Variants in TRIM54 observed in about 807,000 individuals in gnomAD.
TRIM54 encodes tripartite motif-containing protein 54.
In TRIM54, 40 loss-of-function variants were observed where a neutral mutation model predicts 42.0. The ratio of observed to expected loss-of-function variants is 0.95; its 90% CI spans 0.74 to 1.24. The LOEUF is 1.24. TRIM54 is among the 50% of genes most tolerant of loss of function. TRIM54 has a pLI of 0.00. For synonymous variants in TRIM54, 199 were observed against 194.9 expected (o/e 1.02, Z -0.17); for missense variants, 485 against 480.3 (o/e 1.01, Z -0.09).
intron 1 of TRIM54, among the ~76,000 whole-genome samples, chr2:27,296,858 A>C (rs1678881306): frequency 1.3e-5 from 2 of 152,048 alleles, no homozygotes; most frequent in South Asian, 4.1e-4. Flanking sequence ...TCCTGGTTTC[A>C]AGCAATTCTC....
intron 1 of TRIM54, among the ~76,000 whole-genome samples, chr2:27,287,851 T>C (rs531410596): frequency 8.5e-5 from 13 of 152,348 alleles, no homozygotes; most frequent in Admixed American, 7.2e-4. Flanking sequence ...TTAACATCTC[T>C]TGCAATTCTA....
chr2:27,286,351 T>C (rs1678558698), intron 1 of TRIM54, among the ~76,000 whole-genome samples: 1 of 152,140 alleles, frequency 6.6e-6, no homozygotes, highest in Non-Finnish European at 1.5e-5. Flanking sequence ...GTAATTCTTT[T>C]TAGAGCTGTA....
At chr2:27,291,263 G>A (rs1018210146) in intron 1 of TRIM54, among the ~76,000 whole-genome samples, 7 of 152,186 alleles carry the variant, frequency 4.6e-5, no homozygotes, top group African/African-American at 2.4e-5. Flanking sequence ...GCTGAGGCTG[G>A]AGAATCACTT....
Position 27,299,255 on chromosome 2 carries a change from T to TC in TRIM54, c.354dup (p.Lys119GlnfsTer3). 1 of 1,613,950 alleles carries TC rather than the reference T, an allele frequency of 6.2e-7. No individual in the cohort carries two copies. The highest frequency in any genetic ancestry group is 8.5e-7 in the Non-Finnish European group (1 of 1,180,030). On this transcript the variant is annotated frameshift_variant, in exon 3 of 9. Transcript: ENST00000380075. LOFTEE classifies it high-confidence loss of function. Reference sequence around the variant, plus strand: ...CCCACTCCTCTCTAGGCCGCTGCACTCCAAGGCTGAGCAGCACCTCATGTG... The same window carrying TC: ...CCCACTCCTCTCTAGGCCGCTGCACTCCCAAGGCTGAGCAGCACCTCATGTG...
intron 1 of TRIM54, among the ~76,000 whole-genome samples, chr2:27,288,504 G>C (rs1678637299): frequency 6.6e-6 from 1 of 152,188 alleles, no homozygotes; most frequent in African/African-American, 2.4e-5. Context: ...CTTGAACATA[G>C]CCTAGAATTA....
intron 3 of TRIM54, 51 bp downstream of exon 3, chr2:27,299,467 G>A: frequency 3.8e-6 from 6 of 1,594,688 alleles, no homozygotes; most frequent in Non-Finnish European, 5.1e-6. Flanking sequence ...GCTTAGGACA[G>A]GGTCTCAGTG....
Position 27,299,386 on chromosome 2 carries a change from C to A in TRIM54, c.483C>A (p.Ala161=). 2 of 1,614,036 alleles carry A rather than the reference C, an allele frequency of 1.2e-6. No homozygotes were observed. The highest frequency in any genetic ancestry group is 8.5e-7 in the Non-Finnish European group (1 of 1,180,012). ...VFGAHKDCEV[A]PLPTIYKRQK... is the part of the protein sequence containing the mutation. ...GTGCCCACAAGGACTGTGAGGTGGCCCCACTGCCCACCATTTACAAACGCC... is the reference window on the plus strand; with the variant it reads ...GTGCCCACAAGGACTGTGAGGTGGCACCACTGCCCACCATTTACAAACGCC... Residue 161 remains alanine (A), a synonymous_variant, in exon 3 of 9, where the codon GCC becomes GCA. Transcript: ENST00000380075.
At chr2:27,292,791 A>G (rs925145218) in intron 1 of TRIM54, among the ~76,000 whole-genome samples, 2 of 152,116 alleles carry the variant, frequency 1.3e-5, no homozygotes, top group African/African-American at 4.8e-5. Context: ...GGAATCATAC[A>G]ATATTTGTCC....
At chr2:27,284,828 G>A (rs1313909688) in intron 1 of TRIM54, among the ~76,000 whole-genome samples, 7 of 152,176 alleles carry the variant, frequency 4.6e-5, no homozygotes, top group Non-Finnish European at 1.0e-4. Context: ...GAAGGGCCAA[G>A]TGCATTCCTG....
In TRIM54 at chr2:27,299,392, G is replaced by A; in HGVS notation, c.489G>A (p.Leu163=). The A allele has an allele frequency of 6.2e-7, 1 of 1,614,038 alleles. No homozygotes were observed. The part of the protein sequence containing the change: ...GAHKDCEVAP[L]PTIYKRQKSE... Reference sequence around the variant, plus strand: ...ACAAGGACTGTGAGGTGGCCCCACTGCCCACCATTTACAAACGCCAGAAGG... The same window carrying A: ...ACAAGGACTGTGAGGTGGCCCCACTACCCACCATTTACAAACGCCAGAAGG... Residue 163 remains leucine, a synonymous_variant, in exon 3 of 9, where the codon CTG becomes CTA. Transcript: ENST00000380075.
chr2:27,306,128 A>G lies in TRIM54; in HGVS notation c.866+26A>G, dbSNP rs773106559. On this transcript the variant is annotated intron_variant, in intron 6 of 8. Coordinates refer to ENST00000380075, the MANE Select transcript of TRIM54 (RefSeq NM_187841.3). This position sits in a 1 kb window ranked among gnomAD's most constrained non-coding sequence, Gnocchi z 6.1. ...GTGAGTAGGCATAGCGGGAAGGGAA[A>G]GGAGGGGGCTGCACTGCTCCACTGG... The G allele has an allele frequency of 1.2e-6, 2 of 1,614,016 alleles. No individual in the cohort carries two copies. Among genetic ancestry groups the G allele is most frequent in the East Asian group, 2.2e-5 (1 of 44,890 alleles).
intron 1 of TRIM54, among the ~76,000 whole-genome samples, chr2:27,283,784 G>GCACACACACACACACACA (rs3073589): frequency 3.0e-5 from 4 of 132,162 alleles, no homozygotes; most frequent in Admixed American, 7.6e-5. Flanking sequence ...ACACACGCGC[G>GCACACACACACACACACA]CACACACACA....
chr2:27,296,260 G>C (rs1339366948), intron 1 of TRIM54, among the ~76,000 whole-genome samples: 1 of 152,182 alleles, frequency 6.6e-6, no homozygotes. Flanking sequence ...CTTCTGGTTT[G>C]TGTATGGTGT....
At chr2:27,299,918 C>T (rs1232132497) in intron 3 of TRIM54, among the ~76,000 whole-genome samples, 3 of 151,180 alleles carry the variant, frequency 2.0e-5, no homozygotes, top group African/African-American at 7.3e-5. Context: ...TGTGATCCGT[C>T]CACCTTGGCC....
intron 1 of TRIM54, among the ~76,000 whole-genome samples, chr2:27,285,065 G>T (rs1213759098): frequency 6.6e-6 from 1 of 152,192 alleles, no homozygotes; most frequent in Non-Finnish European, 1.5e-5. Flanking sequence ...GGGTGGCTCT[G>T]TGGATCTGGA....
Position 27,306,069 on chromosome 2 carries a change from C to T in TRIM54, c.844-11C>T, listed in dbSNP as rs777918028. On this transcript the variant is annotated splice_polypyrimidine_tract_variant and intron_variant, in intron 5 of 8. Transcript: ENST00000380075. This position sits in a 1 kb window ranked among gnomAD's most constrained non-coding sequence, Gnocchi z 6.1. Reference sequence around the variant, plus strand: ...CAGTGCTTACTCTCACCCTCCTTTTCTTCCCTGCAGCAGGCCAAGGAGCTG... The same window carrying T: ...CAGTGCTTACTCTCACCCTCCTTTTTTTCCCTGCAGCAGGCCAAGGAGCTG... 3.1e-6 allele frequency: 5 copies of T among 1,613,778 alleles called. No homozygotes were observed. The highest frequency in any genetic ancestry group is 4.2e-6 in the Non-Finnish European group (5 of 1,180,030).
chr2:27,285,170 G>A (rs1243765464), intron 1 of TRIM54, among the ~76,000 whole-genome samples: 1 of 152,162 alleles, frequency 6.6e-6, no homozygotes, highest in Non-Finnish European at 1.5e-5. Flanking sequence ...AGGGCCTGGT[G>A]GGAGGCTGAC....
intron 3 of TRIM54, among the ~76,000 whole-genome samples, chr2:27,302,037 C>T (rs1679050334): frequency 6.6e-6 from 1 of 152,138 alleles, no homozygotes; most frequent in Non-Finnish European, 1.5e-5. Context: ...GCCTGTAATC[C>T]CAGCTACTTG....
chr2:27,285,617 C>T (rs776694804), intron 1 of TRIM54, among the ~76,000 whole-genome samples: 4 of 152,196 alleles, frequency 2.6e-5, no homozygotes, highest in Non-Finnish European at 5.9e-5. Flanking sequence ...CAAATCGGCA[C>T]ATTTGCATGT....
Sources: allele counts gnomAD v4.1 joint callset (sites outside exome capture counted in the v4.1 genomes callset), GRCh38; gene constraint gnomAD v4.1.1; non-coding constraint Gnocchi (gnomAD v3.1); transcripts MANE v1.5; gene names NCBI Gene and HGNC (gene_info 2026-07-23, HGNC 2026-07-21).